Variants in PRKG1 observed in about 807,000 individuals in gnomAD.
The protein encoded by PRKG1 is protein kinase cGMP-dependent 1.
PRKG1 carries 35 observed loss-of-function variants against 88.1 expected under a neutral mutation model. The ratio of observed to expected loss-of-function variants is 0.40; its 90% CI spans 0.30 to 0.53. PRKG1 has a LOEUF of 0.53. PRKG1 is among the 20% of genes least tolerant of loss of function. The probability of loss-of-function intolerance (pLI) is 0.59; values close to 1 mark genes in which losing one functional copy is unlikely to be tolerated. For synonymous variants in PRKG1, 303 were observed against 292.5 expected (o/e 1.04, Z -0.37); for missense variants, 540 against 839.8 (o/e 0.64, Z 4.41).
intron 3 of PRKG1, among the ~76,000 whole-genome samples, chr10:51,486,056 G>A (rs73338054): frequency 0.02 from 2,980 of 152,066 alleles, 82 homozygotes; most frequent in African/African-American, 0.063. Flanking sequence ...AAGTGTTTCC[G>A]TTCATCTTGT....
chr10:51,083,046 T>A (rs4935011), intron 1 of PRKG1, among the ~76,000 whole-genome samples: 1 of 151,650 alleles, frequency 6.6e-6, no homozygotes, highest in Non-Finnish European at 1.5e-5. Flanking sequence ...CTACTTGAAT[T>A]CCTATTCTTT....
At chr10:51,790,996 T>C (rs574374123) in intron 3 of PRKG1, among the ~76,000 whole-genome samples, 1 of 152,246 alleles carries the variant, frequency 6.6e-6, no homozygotes, top group East Asian at 1.9e-4. Flanking sequence ...GCTATACTCA[T>C]TTTGTCTCTA....
intron 9 of PRKG1, among the ~76,000 whole-genome samples, chr10:52,238,576 A>C (rs1393605464): frequency 6.6e-6 from 1 of 151,500 alleles, no homozygotes; most frequent in African/African-American, 2.4e-5. Flanking sequence ...AAAAATGCTC[A>C]TCATCACTAG....
chr10:51,922,605 C>T (rs1842485914), intron 5 of PRKG1, among the ~76,000 whole-genome samples: 1 of 151,810 alleles, frequency 6.6e-6, no homozygotes, highest in Non-Finnish European at 1.5e-5. Flanking sequence ...TTTTGATTTT[C>T]AGTTAGCCCA....
chr10:51,439,682 A>G (rs1031499760), intron 2 of PRKG1, among the ~76,000 whole-genome samples: 1 of 151,976 alleles, frequency 6.6e-6, no homozygotes, highest in Non-Finnish European at 1.5e-5. Context: ...TTGACCTTGC[A>G]AATATGAATA....
chr10:52,268,961 G>C (rs1841646613), intron 10 of PRKG1, among the ~76,000 whole-genome samples: 1 of 151,772 alleles, frequency 6.6e-6, no homozygotes, highest in Non-Finnish European at 1.5e-5. Flanking sequence ...GCCCGAGAGA[G>C]ACTAGTTGCT....
intron 5 of PRKG1, among the ~76,000 whole-genome samples, chr10:51,935,172 T>C (rs781230753): frequency 1.3e-5 from 2 of 152,102 alleles, no homozygotes; most frequent in Non-Finnish European, 2.9e-5. Context: ...TTGAGTTGAC[T>C]GGGAAGAGCC....
chr10:51,455,585 C>T (rs1291326215), intron 2 of PRKG1, among the ~76,000 whole-genome samples: 2 of 152,222 alleles, frequency 1.3e-5, no homozygotes, highest in Non-Finnish European at 2.9e-5. Flanking sequence ...TCATCTCCCT[C>T]AAGTTCAAAG....
At chr10:51,005,845 C>T (rs1160552856) in intron 1 of PRKG1, among the ~76,000 whole-genome samples, 1 of 152,140 alleles carries the variant, frequency 6.6e-6, no homozygotes, top group Non-Finnish European at 1.5e-5. Flanking sequence ...AGGCTGGGTG[C>T]CTTATTTCAC....
intron 2 of PRKG1, among the ~76,000 whole-genome samples, chr10:51,444,075 T>G (rs1453509939): frequency 6.6e-6 from 1 of 150,970 alleles, no homozygotes; most frequent in African/African-American, 2.4e-5. Context: ...TAAAGAACCA[T>G]GATCAGAGGA....
intron 2 of PRKG1, among the ~76,000 whole-genome samples, chr10:51,340,602 C>T (rs950212102): frequency 6.6e-6 from 1 of 152,130 alleles, no homozygotes; most frequent in South Asian, 2.1e-4. Context: ...AGGCATAATG[C>T]CCTACTAAGA....
chr10:51,286,279 A>G (rs1032221695), intron 2 of PRKG1, among the ~76,000 whole-genome samples: 1 of 152,178 alleles, frequency 6.6e-6, no homozygotes, highest in African/African-American at 2.4e-5. Context: ...CCCAGCAGGA[A>G]TCTTTCAAAG....
chr10:51,185,993 T>C lies in PRKG1; in HGVS notation c.478+32663T>C, dbSNP rs1195791256. ...GAAAAGTGATTTTTAAAAAAAAATGTTATAGAACATGATCTAGTGTCATTT... is the reference window on the plus strand; with the variant it reads ...GAAAAGTGATTTTTAAAAAAAAATGCTATAGAACATGATCTAGTGTCATTT... On this transcript the variant is annotated intron_variant, in intron 2 of 17. Coordinates refer to ENST00000373980, the MANE Select transcript of PRKG1 (RefSeq NM_006258.4). Among the ~76,000 whole-genome samples, 4 of 151,960 alleles carry C rather than the reference T, an allele frequency of 2.6e-5. No homozygotes were observed. The East Asian group carries it at 5.8e-4, about 22-fold the overall frequency.
chr10:51,767,717 G>A (rs1838204051), intron 3 of PRKG1, among the ~76,000 whole-genome samples: 2 of 152,004 alleles, frequency 1.3e-5, no homozygotes, highest in Admixed American at 1.3e-4. Context: ...ATGAATAGAT[G>A]ATCTCACAAA....
chr10:51,055,338 C>T (rs1843613758), intron 1 of PRKG1, among the ~76,000 whole-genome samples: 1 of 151,958 alleles, frequency 6.6e-6, no homozygotes, highest in East Asian at 1.9e-4. Flanking sequence ...TGAAATTCAA[C>T]AAAAATTCCT....
At chr10:51,635,326 A>G (rs184499976) in intron 3 of PRKG1, among the ~76,000 whole-genome samples, 22 of 151,874 alleles carry the variant, frequency 1.4e-4, no homozygotes, top group African/African-American at 4.8e-4. Context: ...TGAAGTTGCC[A>G]CAGTATGAAA....
rs1391282064 is a variant in PRKG1 at position 51,056,964 on chromosome 10, C to T, written c.266+65320C>T. 3.3e-5 allele frequency among the ~76,000 whole-genome samples: 5 copies of T among 152,224 alleles called. No homozygotes were observed. The East Asian group carries it at 9.6e-4, about 29-fold the overall frequency. On this transcript the variant is annotated intron_variant, in intron 1 of 17. Coordinates refer to the PRKG1 transcript ENST00000401604. ...AAATGGAGACTTTTCCTGTTATATC[C>T]CAGTTCTTAAGACATATTTCTACTA... is the stretch of plus-strand genomic sequence containing the variant.
intron 3 of PRKG1, among the ~76,000 whole-genome samples, chr10:51,625,231 A>C (rs1362759808): frequency 6.6e-6 from 1 of 152,184 alleles, no homozygotes; most frequent in Admixed American, 6.5e-5. Context: ...TAATCCCAGC[A>C]CTTTGGGAGG....
At chr10:52,200,395 C>G (rs1839633755) in intron 9 of PRKG1, among the ~76,000 whole-genome samples, 1 of 152,134 alleles carries the variant, frequency 6.6e-6, no homozygotes, top group African/African-American at 2.4e-5. Flanking sequence ...TGATCTCATT[C>G]TTTTTATGGC....
Sources: allele counts gnomAD v4.1 joint callset (sites outside exome capture counted in the v4.1 genomes callset), GRCh38; gene constraint gnomAD v4.1.1; transcripts MANE v1.5; gene names NCBI Gene and HGNC (gene_info 2026-07-23, HGNC 2026-07-21).